CNTRL: variants seen among roughly 807,000 people sequenced by gnomAD.
CNTRL encodes centriolin, also known as 110 kDa centrosomal protein.
Under a neutral mutation model 303.7 loss-of-function variants are expected in CNTRL, and 233 were observed. The ratio of observed to expected loss-of-function variants is 0.77; its 90% CI spans 0.69 to 0.86. CNTRL has a LOEUF of 0.86. CNTRL is among the 40% of genes least tolerant of loss of function. The pLI is 0.00. For synonymous variants in CNTRL, 900 were observed against 922.2 expected (o/e 0.98, Z 0.44); for missense variants, 2,524 against 2,650.6 (o/e 0.95, Z 1.05).
At chr9:121,091,743 C>T (rs578102030) in intron 4 of CNTRL, among the ~76,000 whole-genome samples, 28 of 151,932 alleles carry the variant, frequency 1.8e-4, no homozygotes, top group Non-Finnish European at 3.4e-4. Flanking sequence ...ACTCAGGAGG[C>T]TGAGATAGGA....
chr9:121,095,118 A>G, intron 5 of CNTRL, 100 bp downstream of exon 5: 2 of 893,800 alleles, frequency 2.2e-6, no homozygotes, highest in Non-Finnish European at 3.3e-6. Context: ...TTTGACAGAA[A>G]CAGAAGATAT....
At chr9:121,096,796 C>A (rs901459924) in intron 6 of CNTRL, among the ~76,000 whole-genome samples, 66 of 152,198 alleles carry the variant, frequency 4.3e-4, no homozygotes, top group African/African-American at 1.6e-3. Flanking sequence ...TTACATTTAT[C>A]ATTTCATGTA....
chr9:121,147,849 G>C (rs1404783757), intron 23 of CNTRL, among the ~76,000 whole-genome samples: 1 of 152,206 alleles, frequency 6.6e-6, no homozygotes, highest in African/African-American at 2.4e-5. Context: ...ACCAGAGCTG[G>C]AGGTGGAAGC....
At chr9:121,147,972 A>G (rs2134153196) in intron 23 of CNTRL, among the ~76,000 whole-genome samples, 1 of 152,328 alleles carries the variant, frequency 6.6e-6, no homozygotes, top group Non-Finnish European at 1.5e-5. Flanking sequence ...AAGCCATGCC[A>G]AGCTCCCAGG....
intron 14 of CNTRL, among the ~76,000 whole-genome samples, chr9:121,126,904 C>G (rs1214927418): frequency 6.6e-6 from 1 of 152,048 alleles, no homozygotes; most frequent in African/African-American, 2.4e-5. Flanking sequence ...TCACTGCATC[C>G]TCCGCCTCCT....
chr9:121,105,238 G>T (rs142683470), intron 7 of CNTRL, among the ~76,000 whole-genome samples: 1 of 152,264 alleles, frequency 6.6e-6, no homozygotes, highest in Non-Finnish European at 1.5e-5. Context: ...AACGTTTATG[G>T]CCTGTAGTTA....
At chr9:121,079,977 C>T (rs895249609) in intron 1 of CNTRL, among the ~76,000 whole-genome samples, 1 of 152,046 alleles carries the variant, frequency 6.6e-6, no homozygotes, top group Non-Finnish European at 1.5e-5. Context: ...GATTTTTGTT[C>T]CTCAACCTCC....
chr9:121,152,598 G>A lies in CNTRL; in HGVS notation c.4077G>A (p.Leu1359=). 6.2e-7 allele frequency: 1 copy of A among 1,613,524 alleles called. No homozygotes were observed. The highest frequency in any genetic ancestry group is 8.5e-7 in the Non-Finnish European group (1 of 1,179,460). Residue 1359 remains leucine (L), a synonymous_variant, in exon 26 of 44, where the codon CTG becomes CTA. Transcript: ENST00000373855. ...KRQSEKEMEE[L]HHNIDDLLQE... is the part of the protein sequence containing the mutation. ...AGTCGGAGAAAGAAATGGAAGAACT[G>A]CATCATAATATTGATGATCTTTTGC...
intron 32 of CNTRL, among the ~76,000 whole-genome samples, chr9:121,160,849 T>C (rs764999408): frequency 6.6e-6 from 1 of 152,114 alleles, no homozygotes; most frequent in Non-Finnish European, 1.5e-5. Context: ...CACATTGATG[T>C]GCACCTATAG....
chr9:121,114,807 A>G (rs1320924870), intron 10 of CNTRL, among the ~76,000 whole-genome samples: 1 of 152,206 alleles, frequency 6.6e-6, no homozygotes, highest in Non-Finnish European at 1.5e-5. Flanking sequence ...TATTCTCTCA[A>G]AAGGGTTTAC....
chr9:121,152,412 C>A, intron 25 of CNTRL, 73 bp from the exon 26 acceptor site: 1 of 1,252,214 alleles, frequency 8.0e-7, no homozygotes, highest in Non-Finnish European at 1.2e-6. Context: ...CAGTTAATTT[C>A]AGCTTTTGGC....
At chr9:121,141,635 T>C (rs1237720563) in intron 18 of CNTRL, 47 bp downstream of exon 18, 1 of 1,531,976 alleles carries the variant, frequency 6.5e-7, no homozygotes, top group South Asian at 1.1e-5. Context: ...TTGGCAAATA[T>C]TAATGTTTTT....
chr9:121,095,969 G>C (rs1291671661), intron 5 of CNTRL, among the ~76,000 whole-genome samples: 1 of 152,190 alleles, frequency 6.6e-6, no homozygotes, highest in Non-Finnish European at 1.5e-5. Context: ...CCTAAATACA[G>C]TATCATCTAT....
intron 4 of CNTRL, among the ~76,000 whole-genome samples, chr9:121,092,443 GATAATATATATCT>G (rs2048622200): frequency 1.1e-5 from 1 of 91,110 alleles, no homozygotes; most frequent in African/African-American, 3.9e-5. Context: ...TAGATAGATA[GATAATATATATCT>G]ATATATATAT....
intron 1 of CNTRL, among the ~76,000 whole-genome samples, chr9:121,079,068 G>A (rs1040017246): frequency 6.6e-6 from 1 of 152,164 alleles, no homozygotes; most frequent in Admixed American, 6.5e-5. Flanking sequence ...TCCTGAAGCT[G>A]CCTAGAGGTG....
At chr9:121,083,338 T>C (rs1330923164) in intron 2 of CNTRL, among the ~76,000 whole-genome samples, 1 of 152,204 alleles carries the variant, frequency 6.6e-6, no homozygotes, top group Non-Finnish European at 1.5e-5. Flanking sequence ...ATTAATTTCT[T>C]TATAACCTTA....
chr9:121,153,251 C>A (rs1239947785), intron 26 of CNTRL, among the ~76,000 whole-genome samples: 1 of 152,230 alleles, frequency 6.6e-6, no homozygotes, highest in African/African-American at 2.4e-5. Flanking sequence ...GCAAATCTGA[C>A]TGTTCCACTT....
intron 37 of CNTRL, 45 bp from the exon 38 acceptor site, chr9:121,168,051 C>T (rs769932781): frequency 6.6e-7 from 1 of 1,518,256 alleles, no homozygotes; most frequent in East Asian, 2.3e-5. Context: ...TTCTCTGGGA[C>T]ACTATTTGTT....
rs1031037210 is a variant in CNTRL at position 121,165,505 on chromosome 9, A to T, written c.5581+405A>T. 3.3e-5 allele frequency among the ~76,000 whole-genome samples: 5 copies of T among 152,364 alleles called. No homozygotes were observed. In the South Asian group the frequency reaches 6.2e-4, roughly 19 times the overall value. On this transcript the variant is annotated intron_variant, in intron 35 of 43. Coordinates refer to ENST00000373855, the MANE Select transcript of CNTRL (RefSeq NM_007018.6). ...CAAAGATGTAAATAATGAAGATTTT[A>T]AAATTACCAAATGTTTATAAATATG...
Sources: allele counts gnomAD v4.1 joint callset (sites outside exome capture counted in the v4.1 genomes callset), GRCh38; gene constraint gnomAD v4.1.1; transcripts MANE v1.5; gene names NCBI Gene and HGNC (gene_info 2026-07-23, HGNC 2026-07-21).